The following STAU1 variants were observed in gnomAD, a reference collection of about 807,000 sequenced individuals.
The protein encoded by STAU1 is staufen double-stranded RNA binding protein 1.
Under a neutral mutation model 62.9 loss-of-function variants are expected in STAU1, and 13 were observed. The observed-to-expected ratio is 0.21, with a 90% CI of 0.13 to 0.33. The LOEUF (loss-of-function observed/expected upper bound fraction) is 0.33. STAU1 is among the 10% of genes least tolerant of loss of function. The pLI is 1.00. For missense variants in STAU1, 571 were observed against 712.1 expected, an observed-to-expected ratio of 0.80 and a Z score of 2.25; for synonymous variants, 269 against 265.1, an observed-to-expected ratio of 1.01 and a Z score of -0.14.
intron 6 of STAU1, chr20:49,134,490 AT>A: frequency 9.7e-7 from 1 of 1,027,728 alleles, no homozygotes; most frequent in Non-Finnish European, 1.5e-6. Context: ...ATGCCGGCTC[AT>A]TACTCTTCTC....
chr20:49,217,454 A>T, the STAU1 span, among the ~76,000 whole-genome samples: 1 of 152,092 alleles, frequency 6.6e-6, no homozygotes, highest in African/African-American at 2.4e-5. Flanking sequence ...TATTAGATGA[A>T]ACTACACAAA....
chr20:49,151,869 T>C (rs2093257135), intron 4 of STAU1, 122 bp from the exon 5 acceptor site: 1 of 785,998 alleles, frequency 1.3e-6, no homozygotes, highest in Admixed American at 3.5e-5. Flanking sequence ...TTGATGCTAA[T>C]CACTCTTCAT....
At position 49,115,763 on chromosome 20, in the gene STAU1, C is replaced by G. The variant is rs1298263488; in HGVS notation, c.1718+19G>C. 1 of 1,609,180 alleles carries G rather than the reference C, an allele frequency of 6.2e-7. No homozygotes were observed. Among genetic ancestry groups the G allele is most frequent in the African/African-American group, 1.3e-5 (1 of 74,820 alleles). On this transcript the variant is annotated intron_variant, in intron 13 of 13. Transcript: ENST00000371856. ...AGCCTCCCCATCATCAGCGCCTTCC[C>G]CTTCATCAGTGCACTCACACAGACA...
chr20:49,134,604 T>G (rs576513713), intron 6 of STAU1: 2 of 1,298,372 alleles, frequency 1.5e-6, no homozygotes, highest in East Asian at 4.7e-5. Flanking sequence ...ACAGATATTG[T>G]GGATGAAGCC....
chr20:49,144,093 C>T (rs926360506), intron 5 of STAU1, among the ~76,000 whole-genome samples: 31 of 152,288 alleles, frequency 2.0e-4, no homozygotes, highest in Non-Finnish European at 4.4e-5. Flanking sequence ...GTGCAAAATG[C>T]TTTCATTTTT....
At chr20:49,218,374 G>C in the STAU1 span, among the ~76,000 whole-genome samples, 1 of 150,970 alleles carries the variant, frequency 6.6e-6, no homozygotes, top group East Asian at 2.0e-4. Flanking sequence ...ACAGGCGCCC[G>C]CCACCACGCC....
rs944180524 is a variant in STAU1 at position 49,113,889 on chromosome 20, TTAA to T, written c.*986_*988del. On this transcript the variant is annotated 3_prime_UTR_variant, in exon 14 of 14. Transcript: ENST00000371856. ...CATATGTATAGATACACAATGTTTT[TTAA>T]TAATCTTTAAAACAGAGATCAAAGT... 3.9e-5 allele frequency: 6 copies of T among 152,644 alleles called. No individual in the cohort carries two copies. Among genetic ancestry groups the T allele is most frequent in the East Asian group, 1.9e-4 (1 of 5,204 alleles). The allele number at this position is 152,644 out of a possible 1,614,324, so 9.5% of individuals were successfully genotyped here. A position where few individuals can be genotyped will look rare whatever the true frequency, so the allele number is the denominator to read the frequency against.
chr20:49,199,975 G>A, the STAU1 span, among the ~76,000 whole-genome samples: 1 of 152,166 alleles, frequency 6.6e-6, no homozygotes, highest in Non-Finnish European at 1.5e-5. Context: ...CTCCCAAAGT[G>A]TTGGGGTTAC....
the STAU1 span, among the ~76,000 whole-genome samples, chr20:49,207,815 C>G: frequency 6.6e-6 from 1 of 151,892 alleles, no homozygotes. Flanking sequence ...CCACCACGCC[C>G]GGCTCCAAAT....
chr20:49,192,138 A>T (rs573637681), upstream of STAU1, among the ~76,000 whole-genome samples: 1 of 152,124 alleles, frequency 6.6e-6, no homozygotes, highest in South Asian at 2.1e-4. Flanking sequence ...TGAGGTCAGG[A>T]GATCGAGACC....
intron 2 of STAU1, among the ~76,000 whole-genome samples, chr20:49,171,462 A>AT (rs1158115817): frequency 4.0e-4 from 60 of 149,372 alleles, no homozygotes; most frequent in Admixed American, 2.0e-3. Context: ...CGCCCGGCTA[A>AT]TTTTTTTTTT....
chr20:49,130,968 G>A (rs74651649), intron 6 of STAU1, among the ~76,000 whole-genome samples: 1,781 of 152,086 alleles, frequency 0.012, 40 homozygotes, highest in African/African-American at 0.04. Context: ...TGGAACCACC[G>A]GGGAGACCTG....
chr20:49,132,739 A>T (rs959140207), intron 6 of STAU1, among the ~76,000 whole-genome samples: 1 of 150,316 alleles, frequency 6.7e-6, no homozygotes, highest in Non-Finnish European at 1.5e-5. Flanking sequence ...AGCCTGCGCA[A>T]CAAGAGCAAA....
chr20:49,141,276 A>C (rs1396792038), intron 5 of STAU1, among the ~76,000 whole-genome samples: 1 of 152,118 alleles, frequency 6.6e-6, no homozygotes, highest in Non-Finnish European at 1.5e-5. Flanking sequence ...CTGACGTCGG[A>C]CTGTTTTTTT....
intron 1 of STAU1, among the ~76,000 whole-genome samples, chr20:49,185,028 C>T (rs2146623960): frequency 6.6e-6 from 1 of 152,286 alleles, no homozygotes; most frequent in Admixed American, 6.5e-5. Context: ...AACGTGAACA[C>T]TTATGCTGTG....
chr20:49,137,890 G>A (rs1390785302), intron 5 of STAU1, among the ~76,000 whole-genome samples: 2 of 145,978 alleles, frequency 1.4e-5, no homozygotes, highest in Non-Finnish European at 3.0e-5. Flanking sequence ...ATCTTGGCCA[G>A]GCTATTCTCG....
At chr20:49,142,636 T>G (rs2093034594) in intron 5 of STAU1, among the ~76,000 whole-genome samples, 3 of 152,112 alleles carry the variant, frequency 2.0e-5, no homozygotes, top group Admixed American at 1.3e-4. Context: ...GGATAGCAGT[T>G]TTATTTATAG....
chr20:49,187,585 G>A (rs753587640), intron 1 of STAU1, among the ~76,000 whole-genome samples: 1 of 152,144 alleles, frequency 6.6e-6, no homozygotes, highest in African/African-American at 2.4e-5. Flanking sequence ...TGAACCTTAA[G>A]AGGCAGGGAC....
chr20:49,142,721 G>A (rs2093036094), intron 5 of STAU1, among the ~76,000 whole-genome samples: 1 of 152,140 alleles, frequency 6.6e-6, no homozygotes, highest in Non-Finnish European at 1.5e-5. Flanking sequence ...TGCTTCCAGA[G>A]GAGTATCATT....
Sources: gnomAD v4.1 joint callset for allele counts (sites outside exome capture counted in the v4.1 genomes callset) on GRCh38, gnomAD v4.1.1 for gene constraint, MANE v1.5 for transcripts, NCBI Gene and HGNC (gene_info 2026-07-23, HGNC 2026-07-21) for gene names.